The following BAIAP2 variants were observed in gnomAD, a reference collection of about 807,000 sequenced individuals.
BAIAP2 encodes the protein BAR/IMD domain-containing adapter protein 2.
A neutral mutation model predicts 63.0 loss-of-function variants in BAIAP2; 18 were observed. That is an observed-to-expected ratio of 0.29 (90% confidence interval 0.20 to 0.42). The LOEUF (loss-of-function observed/expected upper bound fraction) is 0.42, where lower values mean the gene tolerates loss of function less well. Among genes scored for constraint, BAIAP2 ranks in the 10% least tolerant of loss-of-function variants. BAIAP2 has a pLI of 1.00. For synonymous variants in BAIAP2, 386 were observed against 307.6 expected (o/e 1.25, Z -2.67); for missense variants, 610 against 734.3 (o/e 0.83, Z 1.96).
At chr17:81,098,769 G>A (rs955340220) in intron 6 of BAIAP2, among the ~76,000 whole-genome samples, 4 of 152,158 alleles carry the variant, frequency 2.6e-5, no homozygotes, top group South Asian at 2.1e-4. Context: ...CGTGACAGCC[G>A]CCATGGTCAG....
chr17:81,106,274 C>T (rs1013077899), intron 11 of BAIAP2, 128 bp downstream of exon 11: 4 of 991,692 alleles, frequency 4.0e-6, no homozygotes, highest in African/African-American at 3.2e-5. Context: ...CAGGGCCATC[C>T]CCAGTGGCCC....
intron 3 of BAIAP2, among the ~76,000 whole-genome samples, chr17:81,081,713 C>T (rs967921400): frequency 1.3e-5 from 2 of 152,184 alleles, no homozygotes; most frequent in African/African-American, 4.8e-5. Flanking sequence ...AAACCTTAGA[C>T]TTGCCCCCAC....
chr17:81,070,710 T>C (rs2052466131), intron 3 of BAIAP2, among the ~76,000 whole-genome samples: 1 of 152,150 alleles, frequency 6.6e-6, no homozygotes, highest in Non-Finnish European at 1.5e-5. Flanking sequence ...GTGTGTCACG[T>C]AGGGGCCCTC....
At chr17:81,054,999 A>G (rs975803850) in intron 2 of BAIAP2, among the ~76,000 whole-genome samples, 2 of 152,104 alleles carry the variant, frequency 1.3e-5, no homozygotes, top group South Asian at 4.1e-4. Context: ...CAGCATCTTC[A>G]TGGGCAGAGT....
chr17:81,098,408 A>C (rs1598769588), intron 6 of BAIAP2, among the ~76,000 whole-genome samples: 1 of 142,098 alleles, frequency 7.0e-6, no homozygotes. Flanking sequence ...TGCTTGCACT[A>C]CTTCTTTTAA....
intron 13 of BAIAP2, among the ~76,000 whole-genome samples, chr17:81,115,050 G>A (rs1188453997): frequency 6.6e-6 from 1 of 152,234 alleles, no homozygotes; most frequent in African/African-American, 2.4e-5. Context: ...ACTCCAAAGA[G>A]AAAGGCTCAG....
chr17:81,050,287 C>A (rs918133984), intron 1 of BAIAP2, among the ~76,000 whole-genome samples: 2 of 152,234 alleles, frequency 1.3e-5, no homozygotes, highest in African/African-American at 4.8e-5. Flanking sequence ...GCAGCACTTG[C>A]GTGTCCCGGC....
intron 6 of BAIAP2, among the ~76,000 whole-genome samples, chr17:81,098,695 C>T (rs972078557): frequency 4.6e-5 from 7 of 152,204 alleles, no homozygotes; most frequent in African/African-American, 7.2e-5. Flanking sequence ...CAGCTTCTGT[C>T]GTCTTTGCTG....
At position 81,072,711 on chromosome 17, in the gene BAIAP2, C is replaced by A. The variant is rs185981696; in HGVS notation, c.218-12121C>A. Among the ~76,000 whole-genome samples the A allele has an allele frequency of 3.4e-4, 52 of 152,288 alleles. 1 individual carries two copies. Among genetic ancestry groups the A allele is most frequent in the Admixed American group, 9.1e-4 (14 of 15,302 alleles). Reference sequence around the variant, plus strand: ...CTGAGCACAGGCGGGCGGACGCTGTCTGGCAGGCTCTGCCTTTCTTTCATT... The same window carrying A: ...CTGAGCACAGGCGGGCGGACGCTGTATGGCAGGCTCTGCCTTTCTTTCATT... On this transcript the variant is annotated intron_variant, in intron 3 of 13. Transcript: ENST00000428708.
At chr17:81,109,578 A>AG (rs1296917078) in intron 13 of BAIAP2, 6 of 985,186 alleles carry the variant, frequency 6.1e-6, no homozygotes, top group Non-Finnish European at 7.2e-6. Flanking sequence ...GCACAGAGAA[A>AG]GGGGGCTCGT....
At chr17:81,109,838 T>C (rs1215045213) in intron 13 of BAIAP2, 3 of 985,124 alleles carry the variant, frequency 3.0e-6, no homozygotes, top group Non-Finnish European at 3.6e-6. Flanking sequence ...TGACCAGCCT[T>C]GTGAGGGCAT....
intron 1 of BAIAP2, among the ~76,000 whole-genome samples, chr17:81,045,448 A>G (rs10871492): frequency 0.93 from 141,040 of 152,180 alleles, 65,414 homozygotes; most frequent in African/African-American, 0.96. Flanking sequence ...CTGTCCTGGG[A>G]CCTCCCAGGA....
At chr17:81,106,651 C>G (rs1436245009) in intron 11 of BAIAP2, 94 bp from the exon 12 acceptor site, 1 of 1,470,408 alleles carries the variant, frequency 6.8e-7, no homozygotes. Flanking sequence ...GTGGCGTGGG[C>G]TAGGTGAGGG....
chr17:81,048,632 C>T (rs574211399), intron 1 of BAIAP2, among the ~76,000 whole-genome samples: 2 of 152,292 alleles, frequency 1.3e-5, no homozygotes, highest in East Asian at 1.9e-4. Context: ...GCTCGCCAGC[C>T]AAAAGGGCTC....
chr17:81,049,819 G>A (rs959970588), intron 1 of BAIAP2, among the ~76,000 whole-genome samples: 2 of 152,272 alleles, frequency 1.3e-5, no homozygotes, highest in African/African-American at 4.8e-5. Context: ...ACCTTGGCCT[G>A]ATTAGGGGAG....
intron 1 of BAIAP2, chr17:81,036,745 C>A: frequency 1.1e-6 from 1 of 870,214 alleles, no homozygotes; most frequent in East Asian, 2.7e-5. Flanking sequence ...TTTGGTTTCA[C>A]AGAGTCTGTG....
At chr17:81,063,924 G>T (rs115576633) in intron 3 of BAIAP2, 9,034 of 149,716 alleles carry the variant, frequency 0.06, 315 homozygotes, top group African/African-American at 0.089. Context: ...GGAAGGCAGA[G>T]CCCTGGTCTG....
At chr17:81,042,351 T>C (rs916754018) in intron 1 of BAIAP2, among the ~76,000 whole-genome samples, 6 of 151,950 alleles carry the variant, frequency 3.9e-5, no homozygotes, top group African/African-American at 1.2e-4. Flanking sequence ...AGATGAGGTC[T>C]TGCTATGTTG....
chr17:81,110,529 C>T, intron 13 of BAIAP2: 1 of 1,111,782 alleles, frequency 9.0e-7, no homozygotes, highest in Admixed American at 4.6e-5. Flanking sequence ...TGGGTATGGA[C>T]CTCCTTCCGG....
Sources: gnomAD v4.1 joint callset for allele counts (sites outside exome capture counted in the v4.1 genomes callset) on GRCh38, gnomAD v4.1.1 for gene constraint, MANE v1.5 for transcripts, NCBI Gene and HGNC (gene_info 2026-07-23, HGNC 2026-07-21) for gene names.